Variants in SLCO2A1 observed in about 807,000 individuals in gnomAD.
SLCO2A1 encodes the protein solute carrier organic anion transporter family member 2A1, also known as matrin F/G 1.
SLCO2A1 carries 60 observed loss-of-function variants against 71.7 expected under a neutral mutation model. That is an observed-to-expected ratio of 0.84 (90% CI 0.68 to 1.04). The LOEUF (loss-of-function observed/expected upper bound fraction) is 1.04, where lower values mean the gene tolerates loss of function less well. Ranked by LOEUF, SLCO2A1 falls within the 50% of genes least tolerant of loss-of-function variation. The pLI, the probability that SLCO2A1 is intolerant of heterozygous loss-of-function variation, is 0.00. For synonymous variants in SLCO2A1, 308 were observed against 326.7 expected, an observed-to-expected ratio of 0.94 and a Z score of 0.62; for missense variants, 745 against 813.4, an observed-to-expected ratio of 0.92 and a Z score of 1.02.
intron 11 of SLCO2A1, among the ~76,000 whole-genome samples, chr3:133,941,061 T>C (rs1933408411): frequency 6.6e-6 from 1 of 152,192 alleles, no homozygotes; most frequent in Admixed American, 6.5e-5. Context: ...TTCTGTGCTG[T>C]AATAAAGTAT....
At chr3:134,011,557 G>A (rs1193601246) in intron 1 of SLCO2A1, among the ~76,000 whole-genome samples, 1 of 152,220 alleles carries the variant, frequency 6.6e-6, no homozygotes, top group Non-Finnish European at 1.5e-5. Flanking sequence ...ACGTTCCAGA[G>A]GTGGAGTAGT....
intron 1 of SLCO2A1, among the ~76,000 whole-genome samples, chr3:133,995,573 C>T (rs906695601): frequency 2.0e-5 from 3 of 152,216 alleles, no homozygotes; most frequent in African/African-American, 7.2e-5. Flanking sequence ...AAGAATGTCC[C>T]TCCTGTTACC....
intron 1 of SLCO2A1, among the ~76,000 whole-genome samples, chr3:133,982,892 C>G (rs1040751981): frequency 1.3e-5 from 2 of 152,164 alleles, no homozygotes; most frequent in African/African-American, 4.8e-5. Context: ...AAGGTAAAAA[C>G]CAACACTGCT....
At chr3:133,947,123 G>T in intron 9 of SLCO2A1, 133 bp downstream of exon 9, 1 of 730,270 alleles carries the variant, frequency 1.4e-6, no homozygotes, top group Non-Finnish European at 2.2e-6. Flanking sequence ...GACGGAGCGA[G>T]ACTCTGTCTC....
At chr3:133,960,342 G>T (rs1934007530) in intron 3 of SLCO2A1, among the ~76,000 whole-genome samples, 2 of 152,126 alleles carry the variant, frequency 1.3e-5, no homozygotes, top group Non-Finnish European at 2.9e-5. Flanking sequence ...AACAAAATGT[G>T]GTATATGCAA....
chr3:133,966,220 T>C (rs1934162424), intron 3 of SLCO2A1, among the ~76,000 whole-genome samples: 1 of 152,206 alleles, frequency 6.6e-6, no homozygotes, highest in Non-Finnish European at 1.5e-5. Context: ...GGAACTTTTG[T>C]GCCACTACAG....
At chr3:133,962,965 G>A (rs1934076159) in intron 3 of SLCO2A1, among the ~76,000 whole-genome samples, 1 of 152,086 alleles carries the variant, frequency 6.6e-6, no homozygotes. Context: ...CTTCCCCCAG[G>A]CAACCTTCTG....
chr3:133,933,158 C>T lies in SLCO2A1; in HGVS notation c.*1555G>A, dbSNP rs55814470. ...GGTGGCACTTAAGGGTCATGAATGGCCATGACCCATGCCCAGCTGTTCCAG... is the reference window on the plus strand; with the variant it reads ...GGTGGCACTTAAGGGTCATGAATGGTCATGACCCATGCCCAGCTGTTCCAG... On this transcript the variant is annotated 3_prime_UTR_variant, in exon 14 of 14. Coordinates refer to ENST00000310926, the MANE Select transcript of SLCO2A1 (RefSeq NM_005630.3). 448 of 152,268 alleles carry T rather than the reference C, an allele frequency of 2.9e-3. No homozygotes were observed. The highest frequency in any genetic ancestry group is 5.0e-3 in the Admixed American group (76 of 15,298). 9.4% of individuals were successfully genotyped at this position (152,268 alleles called of 1,614,324 possible). A position where few individuals can be genotyped will look rare whatever the true frequency, so the allele number is the denominator to read the frequency against.
chr3:133,967,897 C>G (rs1330569309), intron 3 of SLCO2A1, among the ~76,000 whole-genome samples: 1 of 92,352 alleles, frequency 1.1e-5, no homozygotes, highest in African/African-American at 4.0e-5. Flanking sequence ...CCACACACTT[C>G]CCCCGACATG....
chr3:133,940,944 C>G (rs1460917024), intron 11 of SLCO2A1, among the ~76,000 whole-genome samples: 1 of 152,150 alleles, frequency 6.6e-6, no homozygotes, highest in Non-Finnish European at 1.5e-5. Context: ...AGTGGTGGCT[C>G]TTCTATGCTC....
chr3:133,949,395 T>C (rs1933677252), intron 6 of SLCO2A1, among the ~76,000 whole-genome samples: 1 of 151,274 alleles, frequency 6.6e-6, no homozygotes, highest in South Asian at 2.1e-4. Context: ...CCCACCGTCC[T>C]CCCCCTTTCT....
intron 1 of SLCO2A1, among the ~76,000 whole-genome samples, chr3:134,028,796 T>C (rs928501556): frequency 7.2e-5 from 11 of 152,214 alleles, no homozygotes; most frequent in Admixed American, 2.0e-4. Context: ...AGCTTTGGCC[T>C]CTCAGGAGGT....
intron 1 of SLCO2A1, among the ~76,000 whole-genome samples, chr3:134,000,856 C>G (rs1380800147): frequency 6.6e-6 from 1 of 152,206 alleles, no homozygotes; most frequent in Non-Finnish European, 1.5e-5. Context: ...TGCTTCTGCT[C>G]CCTGAGACCA....
At chr3:133,947,120 C>T (rs545126679) in intron 9 of SLCO2A1, 136 bp downstream of exon 9, 33 of 703,358 alleles carry the variant, frequency 4.7e-5, no homozygotes, top group East Asian at 8.3e-5. Flanking sequence ...GGTGACGGAG[C>T]GAGACTCTGT....
chr3:133,967,814 ACCC>A (rs1934218552), intron 3 of SLCO2A1, among the ~76,000 whole-genome samples: 1 of 24,866 alleles, frequency 4.0e-5, no homozygotes, highest in Non-Finnish European at 8.4e-5. Context: ...CAGGCACCCC[ACCC>A]CACCTCCATA....
chr3:133,951,754 T>C (rs534037231), intron 5 of SLCO2A1, among the ~76,000 whole-genome samples: 31 of 152,314 alleles, frequency 2.0e-4, no homozygotes, highest in Admixed American at 3.9e-4. Context: ...GTCAAGAAAC[T>C]GAGGATAGAA....
intron 1 of SLCO2A1, among the ~76,000 whole-genome samples, chr3:133,983,990 C>T (rs560525498): frequency 6.4e-4 from 98 of 152,234 alleles, no homozygotes; most frequent in South Asian, 2.3e-3. Context: ...TGCATGGAAA[C>T]GGGGGATCCA....
At chr3:133,971,616 A>C (rs1934328788) in intron 3 of SLCO2A1, among the ~76,000 whole-genome samples, 1 of 152,196 alleles carries the variant, frequency 6.6e-6, no homozygotes, top group African/African-American at 2.4e-5. Flanking sequence ...TTCATCTCTC[A>C]AACCTGGTCT....
At position 133,956,465 on chromosome 3, in the gene SLCO2A1, C is replaced by A. The variant is rs146697575; in HGVS notation, c.398-1272G>T. 4.6e-4 allele frequency among the ~76,000 whole-genome samples: 70 copies of A among 152,352 alleles called. No homozygotes were observed. The East Asian group carries it at 0.011, about 24-fold the overall frequency. ...AAAGTTGCTGTCATGGGAGCTCCCC[C>A]ATCAGTCAGGGAAGCCTGTCCCAGG... On this transcript the variant is annotated intron_variant, in intron 3 of 13. Coordinates refer to ENST00000310926, the MANE Select transcript of SLCO2A1 (RefSeq NM_005630.3).
Sources: allele counts gnomAD v4.1 joint callset (sites outside exome capture counted in the v4.1 genomes callset), GRCh38; gene constraint gnomAD v4.1.1; transcripts MANE v1.5; gene names NCBI Gene and HGNC (gene_info 2026-07-23, HGNC 2026-07-21).